The following TRMT61B variants were observed in gnomAD, a reference collection of about 807,000 sequenced individuals.
The protein encoded by TRMT61B is tRNA methyltransferase 61B.
A neutral mutation model predicts 52.0 loss-of-function variants in TRMT61B; 56 were observed. The observed-to-expected ratio is 1.08, with a 90% confidence interval of 0.87 to 1.35. The LOEUF is 1.35. Ranked by LOEUF, TRMT61B falls within the 40% of genes most tolerant of loss-of-function variation. The pLI, the probability that TRMT61B is intolerant of heterozygous loss-of-function variation, is 0.00. For synonymous variants in TRMT61B, 206 were observed against 220.0 expected (o/e 0.94, Z 0.56); for missense variants, 650 against 577.9 (o/e 1.12, Z -1.28).
chr2:28,858,291 C>T (rs898970676), intron 3 of TRMT61B, among the ~76,000 whole-genome samples: 2 of 152,066 alleles, frequency 1.3e-5, no homozygotes, highest in African/African-American at 4.8e-5. Context: ...CTGCCCGCCT[C>T]GGCCTCCCAA....
chr2:28,857,325 G>A (rs1669388971), intron 3 of TRMT61B, among the ~76,000 whole-genome samples: 1 of 151,892 alleles, frequency 6.6e-6, no homozygotes. Context: ...TCTTAGCACA[G>A]CACACGACAC....
intron 1 of TRMT61B, among the ~76,000 whole-genome samples, chr2:28,868,290 C>CT (rs1324527460): frequency 2.0e-5 from 3 of 152,072 alleles, no homozygotes; most frequent in Admixed American, 2.0e-4. Flanking sequence ...AATTCTCTTC[C>CT]TAGATCTGTT....
chr2:28,870,219 G>C lies in TRMT61B; in HGVS notation c.59C>G (p.Thr20Ser), dbSNP rs1416762847. Reference protein sequence around the residue: ...VLLCLRQGLGTNSFLHGLGQE... With the variant: ...VLLCLRQGLGSNSFLHGLGQE... ...CCCCAGGCCGTGCAGGAATGAATTG[G>C]TTCCGAGCCCCTGCCGCAGGCACAG... Residue 20 changes from threonine to serine, a missense_variant, in exon 1 of 7, where the codon ACC becomes AGC. Coordinates refer to ENST00000306108, the MANE Select transcript of TRMT61B (RefSeq NM_017910.4). The C allele has an allele frequency of 1.9e-5, 30 of 1,609,520 alleles. No homozygotes were observed. Among genetic ancestry groups the C allele is most frequent in the Non-Finnish European group, 2.1e-5 (25 of 1,179,228 alleles).
chr2:28,866,369 C>T (rs1166202731), intron 1 of TRMT61B, among the ~76,000 whole-genome samples: 3 of 152,164 alleles, frequency 2.0e-5, no homozygotes, highest in Admixed American at 6.5e-5. Context: ...GGACCCGTTT[C>T]GTGGAAGACA....
At chr2:28,861,904 T>C (rs1223416653) in intron 2 of TRMT61B, 1 of 152,160 alleles carries the variant, frequency 6.6e-6, no homozygotes, top group African/African-American at 2.4e-5. Flanking sequence ...AGCAATGTAT[T>C]AGAATACCTG....
intron 3 of TRMT61B, 139 bp from the exon 4 acceptor site, chr2:28,852,638 C>CA: frequency 1.6e-6 from 1 of 618,328 alleles, no homozygotes; most frequent in Non-Finnish European, 2.9e-6. Context: ...TATTAACTAT[C>CA]ATTTTACCAC....
chr2:28,857,558 T>C (rs1669397042), intron 3 of TRMT61B, among the ~76,000 whole-genome samples: 1 of 152,132 alleles, frequency 6.6e-6, no homozygotes. Flanking sequence ...GTGCTTACTA[T>C]GTACCAGGTA....
In TRMT61B at chr2:28,851,238, A is replaced by AT; in HGVS notation, c.1145_1146insA (p.Cys382Ter). The AT allele has an allele frequency of 6.2e-7, 1 of 1,613,930 alleles. No homozygotes were observed. The highest frequency in any genetic ancestry group is 8.5e-7 in the Non-Finnish European group (1 of 1,179,922). Residue 382 changes from cysteine to a stop codon, truncating the protein, a stop_gained and frameshift_variant, in exon 5 of 7, where the codon TGT becomes TGAT. Transcript: ENST00000306108. LOFTEE classifies it high-confidence loss of function. The stretch of plus-strand genomic sequence containing the variant: ...TGACAATGACCTCGCTTATCTTTTC[A>AT]CATGAAAGAGCAAGTTCACAGGTGC... ...GIRTCELALS[C>*]EKISEVIVRD...
chr2:28,853,409 C>T (rs1669206171), intron 3 of TRMT61B, among the ~76,000 whole-genome samples: 1 of 151,944 alleles, frequency 6.6e-6, no homozygotes, highest in Non-Finnish European at 1.5e-5. Flanking sequence ...CTCCTGGATT[C>T]AAGCGATCTG....
In TRMT61B at chr2:28,869,918, C is replaced by T. The variant is rs114512796; in HGVS notation, c.360G>A (p.Glu120=). 1.9e-4 allele frequency: 314 copies of T among 1,613,800 alleles called. 1 individual carries two copies. The African/African-American group carries it at 3.7e-3, about 19-fold the overall frequency. ...GGGCCTGCGAGAGCATCGAAGGATC[C>T]TCGGATCCCTGGTGTGTGGGACCGC... ...GRCGPTHQGS[E]DPSMLSQAQS... The change falls in exon 1 of 7, where the codon GAG becomes GAA. Residue 120 remains glutamate, a synonymous_variant. Transcript: ENST00000306108.
At chr2:28,855,233 G>A (rs1012670313) in intron 3 of TRMT61B, among the ~76,000 whole-genome samples, 2 of 152,160 alleles carry the variant, frequency 1.3e-5, no homozygotes, top group African/African-American at 4.8e-5. Context: ...GCAGGCTTTA[G>A]CTTTACTCAA....
intron 3 of TRMT61B, among the ~76,000 whole-genome samples, chr2:28,854,946 AG>A (rs1332763083): frequency 6.6e-6 from 1 of 152,066 alleles, no homozygotes; most frequent in Non-Finnish European, 1.5e-5. Context: ...GCAGAGAAAG[AG>A]GGAAAGAAAG....
At chr2:28,869,550 C>T in intron 1 of TRMT61B, 29 bp downstream of exon 1, 3 of 1,524,450 alleles carry the variant, frequency 2.0e-6, no homozygotes, top group Non-Finnish European at 2.7e-6. Flanking sequence ...CTCCTGAAAC[C>T]AATACACACC....
chr2:28,868,389 T>C (rs1669938568), intron 1 of TRMT61B, among the ~76,000 whole-genome samples: 1 of 152,212 alleles, frequency 6.6e-6, no homozygotes, highest in Non-Finnish European at 1.5e-5. Context: ...AGTATGCTCA[T>C]ACCCCAGGTC....
intron 2 of TRMT61B, among the ~76,000 whole-genome samples, chr2:28,864,450 G>A (rs1165139579): frequency 2.0e-5 from 3 of 152,224 alleles, no homozygotes; most frequent in Non-Finnish European, 2.9e-5. Context: ...TGCATGCAAT[G>A]AGTGAATCTC....
At chr2:28,869,109 C>T (rs1364016258) in intron 1 of TRMT61B, among the ~76,000 whole-genome samples, 5 of 152,176 alleles carry the variant, frequency 3.3e-5, no homozygotes, top group Non-Finnish European at 7.4e-5. Flanking sequence ...AACTCTATTT[C>T]TTCCCTAAAA....
intron 1 of TRMT61B, among the ~76,000 whole-genome samples, chr2:28,866,778 T>C (rs1175894599): frequency 1.3e-5 from 2 of 152,198 alleles, no homozygotes; most frequent in Admixed American, 6.5e-5. Flanking sequence ...ATGATATTAA[T>C]AAAAACTGTT....
intron 3 of TRMT61B, among the ~76,000 whole-genome samples, chr2:28,853,885 C>T (rs1669230561): frequency 1.3e-5 from 2 of 151,576 alleles, no homozygotes; most frequent in South Asian, 4.2e-4. Context: ...GTTTCAATTG[C>T]AGTATACATG....
chr2:28,869,162 T>C lies in TRMT61B; in HGVS notation c.699+417A>G, dbSNP rs1305389212. Among the ~76,000 whole-genome samples, 4 of 152,224 alleles carry C rather than the reference T, an allele frequency of 2.6e-5. No individual in the cohort carries two copies. In the East Asian group the frequency reaches 7.7e-4, roughly 29 times the overall value. On this transcript the variant is annotated intron_variant, in intron 1 of 6. Coordinates refer to ENST00000306108, the MANE Select transcript of TRMT61B (RefSeq NM_017910.4). Reference sequence around the variant, plus strand: ...TGTACCTATTGTTAATATACTCTTGTAACATGATTATTGAATATTAAAATA... The same window carrying C: ...TGTACCTATTGTTAATATACTCTTGCAACATGATTATTGAATATTAAAATA...
Sources: allele counts gnomAD v4.1 joint callset (sites outside exome capture counted in the v4.1 genomes callset), GRCh38; gene constraint gnomAD v4.1.1; transcripts MANE v1.5; gene names NCBI Gene and HGNC (gene_info 2026-07-23, HGNC 2026-07-21).